The following ATP2B4 variants were observed in gnomAD, a reference collection of about 807,000 sequenced individuals.
ATP2B4 encodes the protein plasma membrane calcium-transporting ATPase 4.
In ATP2B4, 39 loss-of-function variants were observed where a neutral mutation model predicts 110.3. The observed-to-expected ratio is 0.35, with a 90% CI of 0.27 to 0.46. The LOEUF is 0.46. Among genes scored for constraint, ATP2B4 ranks in the 20% least tolerant of loss-of-function variants. The pLI, the probability that ATP2B4 is intolerant of heterozygous loss-of-function variation, is 1.00. For synonymous variants in ATP2B4, 538 were observed against 571.7 expected, an observed-to-expected ratio of 0.94 and a Z score of 0.84; for missense variants, 1,135 against 1,530.9, an observed-to-expected ratio of 0.74 and a Z score of 4.32.
Position 203,712,137 on chromosome 1 carries a change from G to A in ATP2B4, c.2209G>A (p.Glu737Lys), listed in dbSNP as rs766094059. Residue 737 changes from glutamate to lysine, a missense_variant and splice_region_variant, in exon 13 of 21, where the codon GAG becomes AAG. Transcript: ENST00000357681. ...FNRLIRNEKG[E>K]VEQEKLDKIW... is the part of the protein sequence containing the mutation. The stretch of plus-strand genomic sequence containing the variant: ...CCGGCTCATCCGCAACGAGAAAGGC[G>A]AGGTGGGTCCTGGCTAGGGGGAACC... 1.4e-5 allele frequency: 22 copies of A among 1,613,792 alleles called. No homozygotes were observed. Among genetic ancestry groups the A allele is most frequent in the East Asian group, 2.2e-5 (1 of 44,870 alleles).
chr1:203,669,918 A>G (rs887886316), intron 1 of ATP2B4, among the ~76,000 whole-genome samples: 15 of 152,096 alleles, frequency 9.9e-5, no homozygotes, highest in African/African-American at 3.4e-4. Context: ...AATACTCTCC[A>G]CTTTCTCTCC....
At chr1:203,727,343 G>T in intron 19 of ATP2B4, 52 bp from the exon 20 acceptor site, 2 of 1,595,386 alleles carry the variant, frequency 1.3e-6, no homozygotes, top group Non-Finnish European at 8.5e-7. Flanking sequence ...TTGACTGACA[G>T]CTCTTCTCAC....
chr1:203,701,355 C>G (rs1037551604), intron 6 of ATP2B4, among the ~76,000 whole-genome samples: 1 of 152,182 alleles, frequency 6.6e-6, no homozygotes, highest in Non-Finnish European at 1.5e-5. Context: ...TCTGCCGAAA[C>G]TGTAGGCTCT....
intron 15 of ATP2B4, 49 bp from the exon 16 acceptor site, chr1:203,720,500 C>T: frequency 2.6e-6 from 4 of 1,537,894 alleles, no homozygotes; most frequent in Non-Finnish European, 3.5e-6. Flanking sequence ...GGAAATGGAG[C>T]CTGGGCTTTA....
chr1:203,736,911 C>T (rs1381330611), intron 20 of ATP2B4, among the ~76,000 whole-genome samples: 1 of 152,130 alleles, frequency 6.6e-6, no homozygotes, highest in Non-Finnish European at 1.5e-5. Context: ...CCCTCTCCTC[C>T]CTCACCCTTC....
At chr1:203,698,401 C>T in intron 3 of ATP2B4, 47 bp downstream of exon 3, 1 of 1,569,814 alleles carries the variant, frequency 6.4e-7, no homozygotes, top group Non-Finnish European at 8.8e-7. Context: ...GGGTTCTTTC[C>T]ACCACCACCA....
At chr1:203,719,245 A>AAAAAAAAAAAG (rs1558050066) in intron 15 of ATP2B4, among the ~76,000 whole-genome samples, 17 of 98,856 alleles carry the variant, frequency 1.7e-4, no homozygotes, top group African/African-American at 5.2e-4. Context: ...AAAAAAAAAA[A>AAAAAAAAAAAG]GCAAGAGAGA....
At position 203,707,101 on chromosome 1, in the gene ATP2B4, T is replaced by C. The variant is rs1665870765; in HGVS notation, c.1192T>C (p.Cys398Arg). 2.5e-6 allele frequency: 4 copies of C among 1,614,024 alleles called. No individual in the cohort carries two copies. Among genetic ancestry groups the C allele is most frequent in the Non-Finnish European group, 2.5e-6 (3 of 1,180,028 alleles). The change falls in exon 9 of 21, where the codon TGT becomes CGT. Residue 398 changes from cysteine (C) to arginine (R), a missense_variant. Coordinates refer to ENST00000357681, the MANE Select transcript of ATP2B4 (RefSeq NM_001684.5). ...AAATCGCAGACCATGGCTCCCTGAG[T>C]GTACTCCCATCTACATCCAGTACTT... ...VINRRPWLPE[C>R]TPIYIQYFVK...
intron 2 of ATP2B4, among the ~76,000 whole-genome samples, chr1:203,687,344 A>G (rs1285905525): frequency 6.6e-6 from 1 of 152,184 alleles, no homozygotes; most frequent in Non-Finnish European, 1.5e-5. Context: ...AAGACATAGG[A>G]GTATCTACCC....
intron 1 of ATP2B4, among the ~76,000 whole-genome samples, chr1:203,653,520 GC>G (rs1664059788): frequency 6.6e-6 from 1 of 152,228 alleles, no homozygotes; most frequent in Non-Finnish European, 1.5e-5. Context: ...AGAAGTCAAT[GC>G]CTGGCTTCAA....
chr1:203,730,901 C>T (rs1666686571), intron 20 of ATP2B4, among the ~76,000 whole-genome samples: 1 of 152,204 alleles, frequency 6.6e-6, no homozygotes, highest in African/African-American at 2.4e-5. Flanking sequence ...TAACGTGTAT[C>T]CTGGATCCCT....
intron 1 of ATP2B4, among the ~76,000 whole-genome samples, chr1:203,667,772 C>G (rs901851392): frequency 6.6e-6 from 1 of 152,202 alleles, no homozygotes; most frequent in African/African-American, 2.4e-5. Context: ...GGAGGGAAGA[C>G]AGCAGCCTGG....
In ATP2B4 at chr1:203,665,799, CA is replaced by C. The variant is rs11371841; in HGVS notation, c.-464-16926del. On this transcript the variant is annotated intron_variant, in intron 1 of 20. Transcript: ENST00000357681. ...CTGGTGACAGAGCTAGACTCCATCT[CA>C]AAAAAAAAAAAAAAAATTGTGTAGC... Among the ~76,000 whole-genome samples the C allele has an allele frequency of 6.7e-3, 891 of 132,648 alleles. 10 individuals carry two copies. Among genetic ancestry groups the C allele is most frequent in the African/African-American group, 0.024 (850 of 35,210 alleles). 87.0% of individuals were successfully genotyped at this position (132,648 alleles called of 152,430 possible). A position where few individuals can be genotyped will look rare whatever the true frequency, so the allele number is the denominator to read the frequency against.
At chr1:203,669,612 T>C (rs114199655) in intron 1 of ATP2B4, among the ~76,000 whole-genome samples, 6,423 of 152,080 alleles carry the variant, frequency 0.042, 257 homozygotes, top group African/African-American at 0.11. Context: ...AATTTTTGTA[T>C]ATTTAGTAGA....
chr1:203,687,993 A>AT (rs1558034446), intron 2 of ATP2B4, among the ~76,000 whole-genome samples: 9 of 101,560 alleles, frequency 8.9e-5, no homozygotes, highest in South Asian at 3.7e-4. Flanking sequence ...AGAGAGAAAG[A>AT]GATTATTATT....
At chr1:203,698,794 G>A (rs578084219) in intron 3 of ATP2B4, among the ~76,000 whole-genome samples, 35 of 151,776 alleles carry the variant, frequency 2.3e-4, no homozygotes, top group Non-Finnish European at 4.1e-4. Flanking sequence ...GTGCCATCAC[G>A]CCTGGCTAAT....
intron 16 of ATP2B4, 142 bp from the exon 17 acceptor site, chr1:203,721,055 T>C (rs1666306406): frequency 2.3e-6 from 2 of 873,818 alleles, no homozygotes; most frequent in Admixed American, 5.7e-5. Flanking sequence ...CTCAAGGAAG[T>C]TAAGTAGCTT....
rs866266015 is a variant in ATP2B4, at chr1:203,689,804, G to A, written c.193+6406G>A. On this transcript the variant is annotated intron_variant, in intron 2 of 20. Transcript: ENST00000357681. ...TTCAGAAATCTTGCCATAGGGCTTC[G>A]ATGAGGAAGAGCAGCGTCTATGGGA... 5.3e-5 allele frequency among the ~76,000 whole-genome samples: 8 copies of A among 152,350 alleles called. No homozygotes were observed. In the South Asian group the frequency reaches 8.3e-4, roughly 16 times the overall value.
At chr1:203,668,573 A>G (rs930935130) in intron 1 of ATP2B4, among the ~76,000 whole-genome samples, 32 of 152,150 alleles carry the variant, frequency 2.1e-4, no homozygotes, top group African/African-American at 7.5e-4. Context: ...GACTTAGACA[A>G]GCAAGCTCCA....
Sources: gnomAD v4.1 joint callset for allele counts (sites outside exome capture counted in the v4.1 genomes callset) on GRCh38, gnomAD v4.1.1 for gene constraint, MANE v1.5 for transcripts, NCBI Gene and HGNC (gene_info 2026-07-23, HGNC 2026-07-21) for gene names.